CRK: variants seen among roughly 807,000 people sequenced by gnomAD.
CRK encodes adapter molecule crk.
In CRK, 4 loss-of-function variants were observed where a neutral mutation model predicts 29.8. The ratio of observed to expected loss-of-function variants is 0.13; its 90% CI spans 0.07 to 0.31. CRK has a LOEUF of 0.31. Among genes scored for constraint, CRK ranks in the 10% least tolerant of loss-of-function variants. The probability of loss-of-function intolerance (pLI) is 1.00; values close to 1 mark genes in which losing one functional copy is unlikely to be tolerated. For synonymous variants in CRK, 153 were observed against 164.9 expected, an observed-to-expected ratio of 0.93 and a Z score of 0.55; for missense variants, 274 against 396.5, an observed-to-expected ratio of 0.69 and a Z score of 2.62.
At position 1,427,072 on chromosome 17, in the gene CRK, A is replaced by AAAAAAAAAAAAAAAAAAAAAAAAAAAAG. The variant is rs778793991; in HGVS notation, c.778-3423_778-3422insCTTTTTTTTTTTTTTTTTTTTTTTTTTT. Among the ~76,000 whole-genome samples the AAAAAAAAAAAAAAAAAAAAAAAAAAAAG allele has an allele frequency of 2.2e-5, 2 of 92,048 alleles. 1 individual carries two copies. The highest frequency in any genetic ancestry group is 4.2e-5 in the Non-Finnish European group (2 of 47,912). The allele number at this position is 92,048 out of a possible 152,430, so 60.4% of individuals were successfully genotyped here. On this transcript the variant is annotated intron_variant, in intron 2 of 2. Transcript: ENST00000300574. ...AAAAAAAAAAAAAAAAAAAAAAAAA[A>AAAAAAAAAAAAAAAAAAAAAAAAAAAAG]GATTCTGACATGCCCCAGCCAGGCT...
At chr17:1,430,922 A>G (rs981142729) in intron 2 of CRK, among the ~76,000 whole-genome samples, 55 of 151,546 alleles carry the variant, frequency 3.6e-4, no homozygotes, top group Admixed American at 8.6e-4. Context: ...AAAAAAATTA[A>G]CCGGGCGTGG....
chr17:1,439,528 A>G (rs950613978), intron 1 of CRK, among the ~76,000 whole-genome samples: 1 of 152,178 alleles, frequency 6.6e-6, no homozygotes, highest in Non-Finnish European at 1.5e-5. Flanking sequence ...CTCTCTAATA[A>G]TAACAACTAG....
chr17:1,450,606 G>C (rs2074010020), intron 1 of CRK, among the ~76,000 whole-genome samples: 1 of 152,188 alleles, frequency 6.6e-6, no homozygotes, highest in Non-Finnish European at 1.5e-5. Context: ...CTGTAGGCTA[G>C]ATGCGATGGC....
intron 1 of CRK, among the ~76,000 whole-genome samples, chr17:1,452,815 C>T (rs1050161532): frequency 1.3e-5 from 2 of 150,358 alleles, no homozygotes; most frequent in Non-Finnish European, 3.0e-5. Flanking sequence ...AAAAAAAAGA[C>T]AGCAACTGAC....
At chr17:1,425,406 T>G (rs903252271) in intron 2 of CRK, among the ~76,000 whole-genome samples, 2 of 152,068 alleles carry the variant, frequency 1.3e-5, no homozygotes, top group African/African-American at 2.4e-5. Flanking sequence ...TTTTATCTTT[T>G]GTTTTTGAGA....
chr17:1,442,181 G>T (rs1227019390), intron 1 of CRK, among the ~76,000 whole-genome samples: 3 of 149,498 alleles, frequency 2.0e-5, no homozygotes, highest in African/African-American at 2.5e-5. Flanking sequence ...TTGAGACAGG[G>T]TCTTGTTCTG....
At chr17:1,445,752 C>G (rs2150910986) in intron 1 of CRK, among the ~76,000 whole-genome samples, 1 of 152,256 alleles carries the variant, frequency 6.6e-6, no homozygotes, top group African/African-American at 2.4e-5. Context: ...GTCAAGAAAA[C>G]TCTAGGGCAG....
intron 1 of CRK, among the ~76,000 whole-genome samples, chr17:1,438,835 C>T (rs868657511): frequency 5.0e-4 from 76 of 151,040 alleles, no homozygotes; most frequent in South Asian, 8.3e-4. Flanking sequence ...AAACAAGAGT[C>T]AAAGTTTCTT....
intron 1 of CRK, among the ~76,000 whole-genome samples, chr17:1,444,695 G>C (rs1347889975): frequency 6.6e-6 from 1 of 151,622 alleles, no homozygotes; most frequent in Non-Finnish European, 1.5e-5. Context: ...TTAGCCAGGC[G>C]TGAGTCTCAT....
At chr17:1,440,642 G>A (rs8074862) in intron 1 of CRK, among the ~76,000 whole-genome samples, 4,931 of 152,000 alleles carry the variant, frequency 0.032, 231 homozygotes, top group African/African-American at 0.11. Context: ...AGCCGGGCAC[G>A]TGGCTCACAC....
intron 2 of CRK, among the ~76,000 whole-genome samples, chr17:1,426,699 A>C (rs2073782065): frequency 6.6e-6 from 1 of 152,062 alleles, no homozygotes; most frequent in African/African-American, 2.4e-5. Flanking sequence ...CCCCGTCTCT[A>C]CTAAAATACA....
Position 1,422,922 on chromosome 17 carries a change from T to A in CRK, c.*591A>T. On this transcript the variant is annotated 3_prime_UTR_variant, in exon 3 of 3. Transcript: ENST00000300574. ...ACAAGAATGTCAAGGGCTAAAAGAA[T>A]CCCAAGAAAAAGTATGAAGCATTGA... The A allele has an allele frequency of 2.5e-6, 1 of 398,984 alleles. No individual in the cohort carries two copies. Among genetic ancestry groups the A allele is most frequent in the Non-Finnish European group, 4.4e-6 (1 of 226,096 alleles). The allele number at this position is 398,984 out of a possible 1,614,324, so 24.7% of individuals were successfully genotyped here.
At chr17:1,453,133 G>A (rs945791215) in intron 1 of CRK, among the ~76,000 whole-genome samples, 3 of 152,088 alleles carry the variant, frequency 2.0e-5, no homozygotes, top group Non-Finnish European at 4.4e-5. Context: ...CAACTGAATC[G>A]TAGAAAATGG....
At position 1,422,139 on chromosome 17, in the gene CRK, T is replaced by C. The variant is rs551849828; in HGVS notation, c.*1374A>G. On this transcript the variant is annotated 3_prime_UTR_variant, in exon 3 of 3. Coordinates refer to ENST00000300574, the MANE Select transcript of CRK (RefSeq NM_016823.4). ...TAATACATAAGTAATTCACAATTGG[T>C]TCAACATTTTTTTTTCTTTTTTTTT... 1 of 152,064 alleles carries C rather than the reference T, an allele frequency of 6.6e-6. No homozygotes were observed. The highest frequency in any genetic ancestry group is 6.6e-5 in the Admixed American group (1 of 15,234). The allele number at this position is 152,064 out of a possible 1,614,324, so 9.4% of individuals were successfully genotyped here. A position where few individuals can be genotyped will look rare whatever the true frequency, so the allele number is the denominator to read the frequency against.
intron 2 of CRK, among the ~76,000 whole-genome samples, chr17:1,426,843 CAG>C (rs1170937990): frequency 1.2e-5 from 1 of 83,216 alleles, no homozygotes. Context: ...GCCTGGCCAA[CAG>C]AGTTACACTG....
chr17:1,439,157 A>G (rs1315391019), intron 1 of CRK, among the ~76,000 whole-genome samples: 1 of 152,084 alleles, frequency 6.6e-6, no homozygotes, highest in African/African-American at 2.4e-5. Flanking sequence ...GTGCAGTGGC[A>G]CAATCTCGAC....
At chr17:1,424,223 T>C (rs1160296603) in intron 2 of CRK, among the ~76,000 whole-genome samples, 6 of 151,990 alleles carry the variant, frequency 3.9e-5, no homozygotes, top group African/African-American at 1.2e-4. Context: ...CCTGCCACCG[T>C]GCCCAGCTAA....
At chr17:1,450,356 A>G (rs1335983141) in intron 1 of CRK, among the ~76,000 whole-genome samples, 2 of 152,142 alleles carry the variant, frequency 1.3e-5, no homozygotes, top group South Asian at 4.1e-4. Context: ...AAATACAAAA[A>G]ATTAGCCGGG....
At chr17:1,452,773 A>G (rs1263963170) in intron 1 of CRK, among the ~76,000 whole-genome samples, 1 of 151,934 alleles carries the variant, frequency 6.6e-6, no homozygotes, top group African/African-American at 2.4e-5. Context: ...GTGGGAGACA[A>G]GAGTAAAAAC....
Sources: allele counts gnomAD v4.1 joint callset (sites outside exome capture counted in the v4.1 genomes callset), GRCh38; gene constraint gnomAD v4.1.1; transcripts MANE v1.5; gene names NCBI Gene and HGNC (gene_info 2026-07-23, HGNC 2026-07-21).